EBF1: variants seen among roughly 807,000 people sequenced by gnomAD.
EBF1 encodes the protein EBF transcription factor 1, also known as transcription factor COE1.
EBF1 carries 10 observed loss-of-function variants against 68.4 expected under a neutral mutation model. The observed-to-expected ratio is 0.15, with a 90% CI of 0.09 to 0.25. EBF1 has a LOEUF of 0.25. Among genes scored for constraint, EBF1 ranks in the 10% least tolerant of loss-of-function variants. The pLI is 1.00. For synonymous variants in EBF1, 298 were observed against 299.8 expected, an observed-to-expected ratio of 0.99 and a Z score of 0.06; for missense variants, 509 against 794.4, an observed-to-expected ratio of 0.64 and a Z score of 4.32.
chr5:158,807,260 T>C (rs564652637), intron 8 of EBF1, among the ~76,000 whole-genome samples: 64 of 152,178 alleles, frequency 4.2e-4, no homozygotes, highest in African/African-American at 1.5e-3. Flanking sequence ...CAAAATCAAA[T>C]GCTCACAGGG....
At chr5:158,960,448 A>G (rs1817953505) in intron 6 of EBF1, among the ~76,000 whole-genome samples, 1 of 152,232 alleles carries the variant, frequency 6.6e-6, no homozygotes, top group Non-Finnish European at 1.5e-5. Flanking sequence ...GACATTGTTA[A>G]GCACAAAGCA....
chr5:158,851,055 C>A (rs1028831864), intron 6 of EBF1, among the ~76,000 whole-genome samples: 10 of 152,032 alleles, frequency 6.6e-5, no homozygotes, highest in African/African-American at 2.4e-4. Flanking sequence ...CCCACCCATC[C>A]TCTCTTATCC....
chr5:158,844,229 G>A (rs1268944559), intron 6 of EBF1, among the ~76,000 whole-genome samples: 3 of 139,836 alleles, frequency 2.1e-5, no homozygotes, highest in Non-Finnish European at 3.0e-5. Context: ...AGGAGGTAAC[G>A]AGAAACTCGA....
At chr5:158,951,959 G>A (rs907314198) in intron 6 of EBF1, among the ~76,000 whole-genome samples, 96 of 152,180 alleles carry the variant, frequency 6.3e-4, no homozygotes, top group African/African-American at 2.0e-3. Context: ...TTAAAAACCC[G>A]CCAGCTTTTA....
chr5:158,804,797 T>C (rs1385485465), intron 8 of EBF1, among the ~76,000 whole-genome samples: 4 of 152,172 alleles, frequency 2.6e-5, no homozygotes, highest in Non-Finnish European at 4.4e-5. Context: ...ATATTAATCC[T>C]AGAGCAGCCA....
intron 11 of EBF1, among the ~76,000 whole-genome samples, chr5:158,724,279 A>G (rs1434560675): frequency 6.6e-6 from 1 of 152,196 alleles, no homozygotes; most frequent in African/African-American, 2.4e-5. Flanking sequence ...TTCAGGATAT[A>G]ATGTTAATCG....
chr5:158,828,540 T>A (rs1018225675), intron 7 of EBF1, among the ~76,000 whole-genome samples: 2 of 152,134 alleles, frequency 1.3e-5, no homozygotes, highest in African/African-American at 2.4e-5. Context: ...CATGATACAA[T>A]TTTATAGAAC....
chr5:158,808,074 G>A (rs149217042), intron 8 of EBF1, among the ~76,000 whole-genome samples: 1 of 152,220 alleles, frequency 6.6e-6, no homozygotes, highest in East Asian at 1.9e-4. Context: ...GACACATTTA[G>A]TGACACTGCA....
intron 11 of EBF1, among the ~76,000 whole-genome samples, chr5:158,715,161 G>C (rs1020593316): frequency 6.6e-6 from 1 of 152,156 alleles, no homozygotes; most frequent in Non-Finnish European, 1.5e-5. Flanking sequence ...CAAACGTAAG[G>C]GTGTGGTAGG....
chr5:158,824,891 G>A (rs1318496634), intron 7 of EBF1, among the ~76,000 whole-genome samples: 6 of 152,222 alleles, frequency 3.9e-5, no homozygotes, highest in Non-Finnish European at 8.8e-5. Context: ...AGATGCCCAC[G>A]AATTGCAGGC....
At chr5:158,858,747 T>C (rs1490709426) in intron 6 of EBF1, among the ~76,000 whole-genome samples, 1 of 152,182 alleles carries the variant, frequency 6.6e-6, no homozygotes, top group African/African-American at 2.4e-5. Context: ...CGTGCCTCTA[T>C]ATTTCACATC....
chr5:158,911,918 G>T (rs554246078), intron 6 of EBF1, among the ~76,000 whole-genome samples: 2 of 152,300 alleles, frequency 1.3e-5, no homozygotes, highest in East Asian at 3.9e-4. Context: ...CATCAATAAT[G>T]ATTCATAAAT....
At chr5:158,711,376 A>T (rs991068361) in intron 14 of EBF1, among the ~76,000 whole-genome samples, 2 of 152,166 alleles carry the variant, frequency 1.3e-5, no homozygotes, top group Non-Finnish European at 2.9e-5. Flanking sequence ...CCACGTTATT[A>T]TCTTTGCATC....
At chr5:158,978,152 A>G (rs1757149880) in intron 6 of EBF1, among the ~76,000 whole-genome samples, 1 of 152,234 alleles carries the variant, frequency 6.6e-6, no homozygotes, top group East Asian at 1.9e-4. Context: ...CACTTATGAC[A>G]TGATTGATTT....
intron 6 of EBF1, among the ~76,000 whole-genome samples, chr5:158,959,293 ATTT>A (rs11404732): frequency 6.9e-6 from 1 of 144,664 alleles, no homozygotes; most frequent in Admixed American, 6.9e-5. Context: ...CTACTTAAGA[ATTT>A]TTTTTTTTTT....
At chr5:158,917,357 A>G (rs924832759) in intron 6 of EBF1, among the ~76,000 whole-genome samples, 14 of 152,170 alleles carry the variant, frequency 9.2e-5, no homozygotes, top group African/African-American at 3.4e-4. Flanking sequence ...TCATTTGCTT[A>G]TAACACTCGG....
At chr5:158,740,141 A>G (rs1766002087) in intron 10 of EBF1, among the ~76,000 whole-genome samples, 1 of 152,184 alleles carries the variant, frequency 6.6e-6, no homozygotes, top group African/African-American at 2.4e-5. Context: ...ACTGTCAGAC[A>G]TAGTGGAGCT....
At chr5:158,772,959 G>T (rs377004063) in intron 10 of EBF1, among the ~76,000 whole-genome samples, 1 of 152,108 alleles carries the variant, frequency 6.6e-6, no homozygotes, top group Non-Finnish European at 1.5e-5. Context: ...TGGTTTAGAG[G>T]CATCATATGA....
chr5:158,931,400 G>T lies in EBF1; in HGVS notation c.555-91290C>A, dbSNP rs1275914305. ...ATGAAAATTGTTTTCCTTCCTCATG[G>T]TATTCATGTTTTGGGCTGGTTTGAT... is the stretch of plus-strand genomic sequence containing the variant. On this transcript the variant is annotated intron_variant, in intron 6 of 15. Coordinates refer to ENST00000313708, the MANE Select transcript of EBF1 (RefSeq NM_024007.5). Among the ~76,000 whole-genome samples the T allele has an allele frequency of 2.0e-5, 3 of 152,128 alleles. No homozygotes were observed. In the East Asian group the frequency reaches 5.8e-4, roughly 29 times the overall value.
Sources: gnomAD v4.1 joint callset for allele counts (sites outside exome capture counted in the v4.1 genomes callset) on GRCh38, gnomAD v4.1.1 for gene constraint, MANE v1.5 for transcripts, NCBI Gene and HGNC (gene_info 2026-07-23, HGNC 2026-07-21) for gene names.